DNAI1: variants seen among roughly 807,000 people sequenced by gnomAD.
DNAI1 encodes dynein axonemal intermediate chain 1.
A neutral mutation model predicts 92.0 loss-of-function variants in DNAI1; 67 were observed. The observed-to-expected ratio is 0.73, with a 90% confidence interval of 0.60 to 0.89. The LOEUF is 0.89. Among genes scored for constraint, DNAI1 ranks in the 40% least tolerant of loss-of-function variants. The pLI is 0.00. For missense variants in DNAI1, 839 were observed against 866.6 expected (o/e 0.97, Z 0.40); for synonymous variants, 323 against 319.6 (o/e 1.01, Z -0.11).
rs765089135 is a variant in DNAI1 at position 34,506,830 on chromosome 9, T to C, written c.1267T>C (p.Cys423Arg). The C allele has an allele frequency of 1.2e-6, 2 of 1,614,130 alleles. No individual in the cohort carries two copies. Among genetic ancestry groups the C allele is most frequent in the South Asian group, 2.2e-5 (2 of 91,084 alleles). Residue 423 changes from cysteine (C) to arginine (R), a missense_variant, in exon 13 of 20, where the codon TGC becomes CGC. Transcript: ENST00000242317. ...GAAGCCCCACTCCCAGCCCTCCTTC[T>C]GCAGCTCAGCCAAGTCTGGCAAGCA... is the stretch of plus-strand genomic sequence containing the variant. ...LKKPHSQPSF[C>R]SSAKSGKHSD...
At chr9:34,492,832 A>G (rs1233742857) in intron 8 of DNAI1, among the ~76,000 whole-genome samples, 1 of 151,698 alleles carries the variant, frequency 6.6e-6, no homozygotes, top group Non-Finnish European at 1.5e-5. Flanking sequence ...ATTTTTTTAA[A>G]TGTTCTAGTT....
intron 4 of DNAI1, 152 bp from the exon 5 acceptor site, chr9:34,489,171 C>T: frequency 2.4e-6 from 2 of 816,822 alleles, no homozygotes; most frequent in Non-Finnish European, 4.1e-6. Flanking sequence ...AACTGAAATG[C>T]AGTGAAAACT....
intron 9 of DNAI1, among the ~76,000 whole-genome samples, chr9:34,494,005 G>A (rs1326548777): frequency 2.6e-5 from 4 of 152,166 alleles, no homozygotes; most frequent in African/African-American, 4.8e-5. Context: ...ACAGGGAGAC[G>A]CTGAAGGGCC....
At chr9:34,515,674 T>C (rs1825158381) in intron 18 of DNAI1, among the ~76,000 whole-genome samples, 1 of 152,220 alleles carries the variant, frequency 6.6e-6, no homozygotes, top group Non-Finnish European at 1.5e-5. Context: ...TGCTGATACA[T>C]GCTACAACAT....
intron 10 of DNAI1, among the ~76,000 whole-genome samples, chr9:34,498,655 A>G (rs1282626396): frequency 6.6e-6 from 1 of 152,184 alleles, no homozygotes; most frequent in Non-Finnish European, 1.5e-5. Context: ...AGTGGCTTGT[A>G]TTTCCCTAAG....
intron 9 of DNAI1, among the ~76,000 whole-genome samples, chr9:34,494,979 A>G (rs1824690160): frequency 6.6e-6 from 1 of 152,200 alleles, no homozygotes; most frequent in African/African-American, 2.4e-5. Flanking sequence ...CCCTTCCTCA[A>G]AGAATGGGGT....
intron 15 of DNAI1, 57 bp from the exon 16 acceptor site, chr9:34,513,055 C>A: frequency 7.2e-7 from 1 of 1,393,842 alleles, no homozygotes; most frequent in Non-Finnish European, 1.0e-6. Context: ...GTAGGGGAGG[C>A]ACTGGGAGCC....
chr9:34,475,213 G>A (rs892265447), intron 1 of DNAI1, among the ~76,000 whole-genome samples: 10 of 152,156 alleles, frequency 6.6e-5, no homozygotes, highest in African/African-American at 1.7e-4. Flanking sequence ...AAACGGAAAC[G>A]GCAAGCTGGT....
In DNAI1 at chr9:34,476,435, C is replaced by T. The variant is rs142651855; in HGVS notation, c.49-7013C>T. 1.4e-4 allele frequency among the ~76,000 whole-genome samples: 22 copies of T among 152,252 alleles called. No individual in the cohort carries two copies. In the East Asian group the frequency reaches 4.0e-3, roughly 28 times the overall value. ...CTTCCTCAAGTGTTCCAGGACAGAC[C>T]GAGTGGGGCTGCACTGGAAGCTGCT... is the stretch of plus-strand genomic sequence containing the variant. On this transcript the variant is annotated intron_variant, in intron 1 of 19. Coordinates refer to ENST00000242317, the MANE Select transcript of DNAI1 (RefSeq NM_012144.4).
chr9:34,516,174 TG>T (rs1825168038), intron 18 of DNAI1, among the ~76,000 whole-genome samples: 1 of 151,776 alleles, frequency 6.6e-6, no homozygotes, highest in African/African-American at 2.4e-5. Context: ...TGCCCTGAGG[TG>T]GGAACCAGCT....
Position 34,490,487 on chromosome 9 carries a change from G to T in DNAI1, c.620G>T (p.Arg207Leu). Residue 207 changes from arginine to leucine, a missense_variant and splice_region_variant, in exon 7 of 20, where the codon CGG (arginine) becomes CTG (leucine). By Grantham distance (102) the Arg-to-Leu change is moderately radical (BLOSUM62 -2). Transcript: ENST00000242317. ...RASQTYNNPV[R>L]DRECQTEPPP... ...TCACAGACCTACAACAACCCTGTCC[G>T]GGTAGAGCAGCCCCCACCCTAGCCC... is the stretch of plus-strand genomic sequence containing the variant. 6.2e-7 allele frequency: 1 copy of T among 1,614,020 alleles called. No individual in the cohort carries two copies. The highest frequency in any genetic ancestry group is 8.5e-7 in the Non-Finnish European group (1 of 1,180,034).
At chr9:34,488,497 C>CGTA (rs1824518586) in intron 4 of DNAI1, 1 of 152,952 alleles carries the variant, frequency 6.5e-6, no homozygotes, top group Admixed American at 6.5e-5. Flanking sequence ...GTGAGTTTAC[C>CGTA]GTAGTGTGCC....
At chr9:34,496,749 G>A (rs940872945) in intron 9 of DNAI1, among the ~76,000 whole-genome samples, 1 of 152,126 alleles carries the variant, frequency 6.6e-6, no homozygotes, top group Admixed American at 6.6e-5. Flanking sequence ...ACCAAAGAAG[G>A]CTCCAACCTG....
At chr9:34,519,769 G>C (rs1825233118) in intron 19 of DNAI1, among the ~76,000 whole-genome samples, 1 of 152,170 alleles carries the variant, frequency 6.6e-6, no homozygotes, top group Non-Finnish European at 1.5e-5. Context: ...GTGAGCAGTG[G>C]GCACAGGTGG....
chr9:34,484,222 T>A (rs1387918324), intron 2 of DNAI1, among the ~76,000 whole-genome samples: 3 of 151,302 alleles, frequency 2.0e-5, no homozygotes, highest in African/African-American at 7.4e-5. Flanking sequence ...CTCAAATAAA[T>A]AAATAAAAAT....
chr9:34,476,620 G>T (rs1456082936), intron 1 of DNAI1, among the ~76,000 whole-genome samples: 1 of 152,220 alleles, frequency 6.6e-6, no homozygotes, highest in Non-Finnish European at 1.5e-5. Flanking sequence ...GAGGTAAGGG[G>T]ACCCATGCAG....
intron 6 of DNAI1, 115 bp from the exon 7 acceptor site, chr9:34,490,254 G>A: frequency 6.2e-7 from 1 of 1,607,482 alleles, no homozygotes; most frequent in African/African-American, 1.3e-5. Context: ...CAATGTGTCT[G>A]GCAGCATCAC....
intron 13 of DNAI1, among the ~76,000 whole-genome samples, chr9:34,507,963 A>C (rs975091383): frequency 2.0e-5 from 3 of 152,222 alleles, no homozygotes; most frequent in African/African-American, 7.2e-5. Context: ...CGTAGATTTC[A>C]GTTTCACTCT....
At chr9:34,479,131 G>A (rs1401363274) in intron 1 of DNAI1, among the ~76,000 whole-genome samples, 1 of 152,188 alleles carries the variant, frequency 6.6e-6, no homozygotes, top group Non-Finnish European at 1.5e-5. Flanking sequence ...AAGGTGGAGA[G>A]GTGGGAAAAC....
Sources: allele counts gnomAD v4.1 joint callset (sites outside exome capture counted in the v4.1 genomes callset), GRCh38; gene constraint gnomAD v4.1.1; transcripts MANE v1.5; gene names NCBI Gene and HGNC (gene_info 2026-07-23, HGNC 2026-07-21).